ERCC6L2: variants seen among roughly 807,000 people sequenced by gnomAD.
ERCC6L2 encodes the protein ERCC excision repair 6 like 2, also known as DNA excision repair protein ERCC-6-like 2.
A neutral mutation model predicts 132.0 loss-of-function variants in ERCC6L2; 77 were observed. The observed-to-expected ratio is 0.58, with a 90% CI of 0.49 to 0.71. The LOEUF (loss-of-function observed/expected upper bound fraction) is 0.71. Ranked by LOEUF, ERCC6L2 falls within the 30% of genes least tolerant of loss-of-function variation. The pLI, the probability that ERCC6L2 is intolerant of heterozygous loss-of-function variation, is 0.00. For synonymous variants in ERCC6L2, 583 were observed against 632.4 expected, an observed-to-expected ratio of 0.92 and a Z score of 1.17; for missense variants, 1,542 against 1,837.6, an observed-to-expected ratio of 0.84 and a Z score of 2.94.
At chr9:95,954,906 AT>A (rs1326346918) in intron 12 of ERCC6L2, 1 of 470,958 alleles carries the variant, frequency 2.1e-6, no homozygotes, top group Non-Finnish European at 4.4e-6. Flanking sequence ...GTAAAAGTCC[AT>A]TGTGAGGAGG....
exon 20 of ERCC6L2, chr9:96,039,011 T>C (rs189116186): frequency 4.2e-4 from 184 of 442,354 alleles, no homozygotes; most frequent in Admixed American, 9.4e-4. Context: ...ATGAACCACC[T>C]TGGAGACAGC....
intron 3 of ERCC6L2, among the ~76,000 whole-genome samples, chr9:95,902,044 C>T (rs1828805729): frequency 6.6e-6 from 1 of 152,062 alleles, no homozygotes; most frequent in African/African-American, 2.4e-5. Context: ...GAAGAAAGCC[C>T]TTTAATGAAC....
At chr9:95,936,414 G>C (rs1179708342) in intron 11 of ERCC6L2, among the ~76,000 whole-genome samples, 3 of 152,182 alleles carry the variant, frequency 2.0e-5, no homozygotes, top group Admixed American at 6.5e-5. Flanking sequence ...GGCTCTCTCT[G>C]TATTCACTAT....
chr9:95,994,523 C>G (rs1833409247), intron 17 of ERCC6L2, among the ~76,000 whole-genome samples: 1 of 152,190 alleles, frequency 6.6e-6, no homozygotes, highest in Non-Finnish European at 1.5e-5. Context: ...GTAGATAGAT[C>G]CATTCCACAC....
chr9:96,032,477 T>C (rs897013079), intron 19 of ERCC6L2, among the ~76,000 whole-genome samples: 20 of 152,330 alleles, frequency 1.3e-4, no homozygotes, highest in African/African-American at 4.6e-4. Context: ...GCTGGCTCTT[T>C]TACCTTTGCC....
chr9:96,041,021 T>C (rs78146237), intron 20 of ERCC6L2, among the ~76,000 whole-genome samples: 3,166 of 152,324 alleles, frequency 0.021, 48 homozygotes, highest in Non-Finnish European at 0.033. Context: ...GTAAACAAGA[T>C]AATCTTTGTC....
intron 12 of ERCC6L2, among the ~76,000 whole-genome samples, chr9:95,943,295 G>GT (rs896381649): frequency 2.7e-4 from 40 of 150,506 alleles, no homozygotes; most frequent in African/African-American, 5.8e-4. Flanking sequence ...TCTTAGAATT[G>GT]TTTTTTTTTC....
chr9:95,966,619 C>A lies in ERCC6L2; in HGVS notation c.2005C>A (p.Gln669Lys). The part of the protein sequence containing the change: ...ENAKRYFEAV[Q>K]GSKEHQGELF... Reference sequence around the variant, plus strand: ...TGCCAAACGATATTTTGAAGCAGTTCAAGGATCTAAAGAGCATCAAGGAGA... The same window carrying A: ...TGCCAAACGATATTTTGAAGCAGTTAAAGGATCTAAAGAGCATCAAGGAGA... Residue 669 changes from glutamine (Q) to lysine (K), a missense_variant, in exon 14 of 19, where the codon CAA (glutamine) becomes AAA (lysine). Coordinates refer to ENST00000653738, the MANE Select transcript of ERCC6L2 (RefSeq NM_020207.7). 1 of 1,543,454 alleles carries A rather than the reference C, an allele frequency of 6.5e-7. No homozygotes were observed. The highest frequency in any genetic ancestry group is 1.2e-5 in the South Asian group (1 of 80,982).
At chr9:95,914,163 C>T (rs1423343704) in intron 4 of ERCC6L2, among the ~76,000 whole-genome samples, 5 of 152,158 alleles carry the variant, frequency 3.3e-5, no homozygotes, top group Non-Finnish European at 7.3e-5. Context: ...TATTGTTAAT[C>T]ATTTTTATCA....
chr9:95,907,425 G>A (rs1829100953), intron 4 of ERCC6L2, among the ~76,000 whole-genome samples, 154 bp downstream of exon 4: 2 of 146,678 alleles, frequency 1.4e-5, no homozygotes, highest in Admixed American at 7.0e-5. Flanking sequence ...GGCTGGTCTC[G>A]AACTCCTGAG....
At chr9:96,018,819 G>A (rs1315215426), downstream of ERCC6L2, among the ~76,000 whole-genome samples, 1 of 151,994 alleles carries the variant, frequency 6.6e-6, no homozygotes, top group African/African-American at 2.4e-5. Flanking sequence ...TTTCCATTAA[G>A]ACCAATCTTA....
chr9:95,875,761 G>A lies in ERCC6L2; in HGVS notation c.-278G>A. The A allele has an allele frequency of 2.0e-6, 1 of 506,922 alleles. No homozygotes were observed. The highest frequency in any genetic ancestry group is 3.6e-6 in the Non-Finnish European group (1 of 280,744). The allele number at this position is 506,922 out of a possible 1,614,324, so 31.4% of individuals were successfully genotyped here. Reference sequence around the variant, plus strand: ...CCTCCGGCGGCGGCGGAGCCCGAGAGAACTAGGTGAACACCGCTTTGCCAG... The same window carrying A: ...CCTCCGGCGGCGGCGGAGCCCGAGAAAACTAGGTGAACACCGCTTTGCCAG... On this transcript the variant is annotated 5_prime_UTR_variant, in exon 1 of 19. Coordinates refer to ENST00000653738, the MANE Select transcript of ERCC6L2 (RefSeq NM_020207.7).
rs1263806822 is a variant in ERCC6L2, at chr9:95,972,202, T to G, written c.2451T>G (p.Asp817Glu). 2.3e-6 allele frequency: 3 copies of G among 1,304,126 alleles called. No homozygotes were observed. In the African/African-American group the frequency reaches 4.6e-5, roughly 20 times the overall value. 80.8% of individuals were successfully genotyped at this position (1,304,126 alleles called of 1,614,324 possible). Residue 817 changes from aspartate to glutamate, a missense_variant, in exon 16 of 19, where the codon GAT (aspartate) becomes GAG (glutamate). Coordinates refer to ENST00000653738, the MANE Select transcript of ERCC6L2 (RefSeq NM_020207.7). ...GTGATGGAAATACTGCCTCTGATGA[T>G]GAAAGTTCTGATGAGCAGCCCACAT... ...EDSDGNTASD[D>E]ESSDEQPTCL...
chr9:95,896,408 ATTTTTTTTTTTTGAT>A (rs67131985), intron 2 of ERCC6L2, among the ~76,000 whole-genome samples: 39,463 of 136,406 alleles, frequency 0.29, 5,589 homozygotes, highest in East Asian at 0.41. Context: ...TTGTTTTTTG[ATTTTTTTTTTTTGAT>A]TTTTTTTTTT....
intron 17 of ERCC6L2, among the ~76,000 whole-genome samples, chr9:95,980,094 T>C (rs1301780281): frequency 1.3e-5 from 2 of 152,180 alleles, no homozygotes; most frequent in Non-Finnish European, 2.9e-5. Flanking sequence ...AGAAGCAACC[T>C]GTTTCTTAAG....
chr9:95,911,839 G>A (rs374867922), intron 4 of ERCC6L2, among the ~76,000 whole-genome samples: 1 of 152,150 alleles, frequency 6.6e-6, no homozygotes, highest in East Asian at 1.9e-4. Flanking sequence ...GTGAAAAACT[G>A]CAGTTCACTG....
At chr9:95,891,093 T>C (rs1411449146) in intron 2 of ERCC6L2, among the ~76,000 whole-genome samples, 1 of 152,084 alleles carries the variant, frequency 6.6e-6, no homozygotes, top group Non-Finnish European at 1.5e-5. Context: ...ATGCCTGTAA[T>C]CCCAGCTAAC....
At chr9:96,020,220 GT>G, downstream of ERCC6L2, 1 of 159,444 alleles carries the variant, frequency 6.3e-6, no homozygotes, top group East Asian at 1.9e-4. Context: ...CGAGAGCAGC[GT>G]TCAGGAAACC....
rs1256103246 is a variant in ERCC6L2, at chr9:95,881,033, G to A, written c.211G>A (p.Glu71Lys). ...ERKIPLKQLQ[E>K]VKFVKDCPRN... ...GAAAATACCTCTTAAACAGCTTCAA[G>A]AAGTGAAATTTGTTAAAGATTGCCC... Residue 71 changes from glutamate (E) to lysine (K), a missense_variant, in exon 2 of 19, where the codon GAA (glutamate) becomes AAA (lysine). Coordinates refer to ENST00000653738, the MANE Select transcript of ERCC6L2 (RefSeq NM_020207.7). 1.2e-6 allele frequency: 2 copies of A among 1,613,978 alleles called. No individual in the cohort carries two copies.
Sources: gnomAD v4.1 joint callset for allele counts (sites outside exome capture counted in the v4.1 genomes callset) on GRCh38, gnomAD v4.1.1 for gene constraint, MANE v1.5 for transcripts, NCBI Gene and HGNC (gene_info 2026-07-23, HGNC 2026-07-21) for gene names.